PAFAH1B1: variants seen among roughly 807,000 people sequenced by gnomAD.
PAFAH1B1 encodes the protein platelet-activating factor acetylhydrolase IB subunit beta.
A neutral mutation model predicts 57.5 loss-of-function variants in PAFAH1B1; 2 were observed. That is an observed-to-expected ratio of 0.03 (90% CI 0.01 to 0.11). PAFAH1B1 has a LOEUF of 0.11. Among genes scored for constraint, PAFAH1B1 ranks in the 10% least tolerant of loss-of-function variants. The probability of loss-of-function intolerance (pLI) is 1.00; values close to 1 mark genes in which losing one functional copy is unlikely to be tolerated. For missense variants in PAFAH1B1, 257 were observed against 512.0 expected (o/e 0.50, Z 4.81); for synonymous variants, 152 against 169.6 (o/e 0.90, Z 0.81).
intron 2 of PAFAH1B1, among the ~76,000 whole-genome samples, chr17:2,651,216 G>A (rs531088853): frequency 1.6e-4 from 24 of 152,086 alleles, no homozygotes; most frequent in Non-Finnish European, 1.9e-4. Context: ...CCTTGCATTG[G>A]TTTTTGGACT....
intron 2 of PAFAH1B1, among the ~76,000 whole-genome samples, chr17:2,657,625 T>C (rs755006822): frequency 9.9e-5 from 15 of 152,094 alleles, no homozygotes; most frequent in Non-Finnish European, 1.9e-4. Context: ...TTGGTCCAGC[T>C]CAGCTCCCTG....
chr17:2,630,781 G>A (rs1393452609), intron 1 of PAFAH1B1, among the ~76,000 whole-genome samples: 2 of 152,100 alleles, frequency 1.3e-5, no homozygotes, highest in African/African-American at 2.4e-5. Context: ...AATCCCAGAC[G>A]TCTTGGAAGC....
At chr17:2,643,377 C>A (rs759465999) in intron 2 of PAFAH1B1, among the ~76,000 whole-genome samples, 1 of 152,142 alleles carries the variant, frequency 6.6e-6, no homozygotes, top group East Asian at 1.9e-4. Context: ...CCTCTGCCCC[C>A]CTAATAGCTG....
intron 1 of PAFAH1B1, among the ~76,000 whole-genome samples, chr17:2,595,945 A>T (rs2068080408): frequency 6.6e-6 from 1 of 152,158 alleles, no homozygotes; most frequent in African/African-American, 2.4e-5. Flanking sequence ...GGAGTAAGGG[A>T]GCAGAAGCTG....
At position 2,593,736 on chromosome 17, in the gene PAFAH1B1, A is replaced by C. The variant is rs2068049180; in HGVS notation, c.-461A>C. 1.6e-5 allele frequency: 5 copies of C among 303,910 alleles called. No homozygotes were observed. Among genetic ancestry groups the C allele is most frequent in the Admixed American group, 5.1e-5 (1 of 19,672 alleles). 18.8% of individuals were successfully genotyped at this position (303,910 alleles called of 1,614,324 possible). A position where few individuals can be genotyped will look rare whatever the true frequency, so the allele number is the denominator to read the frequency against. On this transcript the variant is annotated 5_prime_UTR_variant, in exon 1 of 11. Coordinates refer to ENST00000397195, the MANE Select transcript of PAFAH1B1 (RefSeq NM_000430.4). ...GCGAGCGGAGGAGCAGCGACACGGG[A>C]GTCTAGGGAGCGAGAAGGAGAAGGA...
chr17:2,622,874 G>C (rs1030975770), intron 1 of PAFAH1B1, among the ~76,000 whole-genome samples: 6 of 152,196 alleles, frequency 3.9e-5, no homozygotes, highest in Admixed American at 1.3e-4. Flanking sequence ...AATCAAGTTG[G>C]AGGTTCCCAA....
At position 2,638,196 on chromosome 17, in the gene PAFAH1B1, A is replaced by G. The variant is rs995045474; in HGVS notation, c.-93A>G. 6.2e-6 allele frequency: 6 copies of G among 972,954 alleles called. No individual in the cohort carries two copies. The Admixed American group carries it at 1.0e-4, about 16-fold the overall frequency. The allele number at this position is 972,954 out of a possible 1,614,324, so 60.3% of individuals were successfully genotyped here. On this transcript the variant is annotated 5_prime_UTR_variant, in exon 2 of 11. The change creates a new upstream start codon in the 5' untranslated region. Transcript: ENST00000397195. ...CTGTGTGGAAGACACTTAGTGGCAT[A>G]TTTAAATTATAAGTCCACGGATCAA...
chr17:2,649,598 C>G (rs79958142), intron 2 of PAFAH1B1, among the ~76,000 whole-genome samples: 6,266 of 152,034 alleles, frequency 0.041, 226 homozygotes, highest in Non-Finnish European at 0.057. Flanking sequence ...ATAAACTGTT[C>G]TTGTTGTTGG....
intron 2 of PAFAH1B1, chr17:2,640,041 C>G (rs185745467): frequency 6.6e-6 from 1 of 152,200 alleles, no homozygotes; most frequent in Non-Finnish European, 1.5e-5. Context: ...TTTGCTTTAT[C>G]ATTTGCACTC....
In PAFAH1B1 at chr17:2,643,920, G is replaced by A. The variant is rs571696043; in HGVS notation, c.32+5600G>A. On this transcript the variant is annotated intron_variant, in intron 2 of 10. Coordinates refer to ENST00000397195, the MANE Select transcript of PAFAH1B1 (RefSeq NM_000430.4). ...TTCAACCCCTTTCGCCCAGGCTGGA[G>A]TACAGTGGCGCAGTCAGAGCTCACT... Among the ~76,000 whole-genome samples the A allele has an allele frequency of 8.5e-5, 13 of 152,292 alleles. 1 individual carries two copies. In the South Asian group the frequency reaches 2.5e-3, roughly 29 times the overall value.
At chr17:2,628,010 A>G (rs544436436) in intron 1 of PAFAH1B1, among the ~76,000 whole-genome samples, 1 of 152,196 alleles carries the variant, frequency 6.6e-6, no homozygotes, top group East Asian at 1.9e-4. Flanking sequence ...GTAAACGATC[A>G]TATCGTCAGC....
intron 9 of PAFAH1B1, chr17:2,679,627 T>TG (rs879684963): frequency 0.17 from 2,929 of 17,108 alleles, 96 homozygotes; most frequent in South Asian, 0.43. Flanking sequence ...GATGATTGGA[T>TG]GATTGGATGG....
intron 1 of PAFAH1B1, among the ~76,000 whole-genome samples, chr17:2,608,714 G>C (rs1263081433): frequency 1.3e-5 from 2 of 152,200 alleles, no homozygotes; most frequent in Non-Finnish European, 2.9e-5. Flanking sequence ...AGCTGTGCTT[G>C]TGCCTCTGCA....
chr17:2,632,644 T>G (rs1323530240), intron 1 of PAFAH1B1, among the ~76,000 whole-genome samples: 1 of 152,214 alleles, frequency 6.6e-6, no homozygotes, highest in African/African-American at 2.4e-5. Flanking sequence ...AAAATATGTC[T>G]GTACTGAATA....
chr17:2,638,084 T>C lies in PAFAH1B1; in HGVS notation c.-190-15T>C. 2.1e-6 allele frequency: 1 copy of C among 483,226 alleles called. No homozygotes were observed. The highest frequency in any genetic ancestry group is 3.7e-5 in the Admixed American group (1 of 26,700). 29.9% of individuals were successfully genotyped at this position (483,226 alleles called of 1,614,324 possible). A position where few individuals can be genotyped will look rare whatever the true frequency, so the allele number is the denominator to read the frequency against. ...TAAGTGAAATAATCTTTTTTTTTCT[T>C]CTCTTTCTCCTTAGGTGGAATGAAT... On this transcript the variant is annotated splice_polypyrimidine_tract_variant and intron_variant, in intron 1 of 10. Coordinates refer to ENST00000397195, the MANE Select transcript of PAFAH1B1 (RefSeq NM_000430.4).
At chr17:2,626,302 G>A (rs1429055347) in intron 1 of PAFAH1B1, among the ~76,000 whole-genome samples, 1 of 151,960 alleles carries the variant, frequency 6.6e-6, no homozygotes, top group Non-Finnish European at 1.5e-5. Context: ...GCGATTATGT[G>A]TTAACCATTA....
chr17:2,671,899 G>C (rs1473722422), intron 6 of PAFAH1B1, among the ~76,000 whole-genome samples: 1 of 151,896 alleles, frequency 6.6e-6, no homozygotes, highest in Non-Finnish European at 1.5e-5. Flanking sequence ...CACTGCGCCT[G>C]GCCCACCATT....
At chr17:2,670,135 G>A (rs755900926) in intron 5 of PAFAH1B1, 28 bp from the exon 6 acceptor site, 1 of 1,610,644 alleles carries the variant, frequency 6.2e-7, no homozygotes, top group Admixed American at 1.7e-5. Context: ...TGGAGTTGGT[G>A]TTAACCAATT....
intron 1 of PAFAH1B1, among the ~76,000 whole-genome samples, chr17:2,620,032 C>G (rs1432483154): frequency 6.6e-6 from 1 of 152,192 alleles, no homozygotes; most frequent in East Asian, 1.9e-4. Context: ...TTGAAGCAAT[C>G]CTCTGGCCCT....
Sources: gnomAD v4.1 joint callset for allele counts (sites outside exome capture counted in the v4.1 genomes callset) on GRCh38, gnomAD v4.1.1 for gene constraint, MANE v1.5 for transcripts, NCBI Gene and HGNC (gene_info 2026-07-23, HGNC 2026-07-21) for gene names.